SGCD: variants seen among roughly 807,000 people sequenced by gnomAD.
The protein encoded by SGCD is sarcoglycan delta.
SGCD carries 18 observed loss-of-function variants against 36.6 expected under a neutral mutation model. The ratio of observed to expected loss-of-function variants is 0.49; its 90% CI spans 0.34 to 0.73. The LOEUF (loss-of-function observed/expected upper bound fraction) is 0.73. SGCD is among the 30% of genes least tolerant of loss of function. SGCD has a pLI of 0.01. For synonymous variants in SGCD, 133 were observed against 130.6 expected (o/e 1.02, Z -0.12); for missense variants, 387 against 346.7 (o/e 1.12, Z -0.92).
At chr5:155,871,727 T>C (rs1364494010) in intron 1 of SGCD, among the ~76,000 whole-genome samples, 1 of 152,168 alleles carries the variant, frequency 6.6e-6, no homozygotes, top group Non-Finnish European at 1.5e-5. Context: ...AAATAAGTTA[T>C]GATGGAAAAT....
At chr5:156,517,917 G>A (rs557768244) in intron 4 of SGCD, among the ~76,000 whole-genome samples, 1 of 152,292 alleles carries the variant, frequency 6.6e-6, no homozygotes, top group East Asian at 1.9e-4. Flanking sequence ...ATGGCATTAT[G>A]AAGCAACTAC....
intron 6 of SGCD, among the ~76,000 whole-genome samples, chr5:156,614,924 A>G (rs2113475138): frequency 6.6e-6 from 1 of 152,252 alleles, no homozygotes; most frequent in South Asian, 2.1e-4. Flanking sequence ...TTCAGGTACC[A>G]GTTGTCTTTT....
At chr5:156,018,359 T>C (rs952125913) in intron 1 of SGCD, among the ~76,000 whole-genome samples, 5 of 152,220 alleles carry the variant, frequency 3.3e-5, no homozygotes, top group Non-Finnish European at 7.3e-5. Flanking sequence ...TCCCATATTA[T>C]GTCCCACTAT....
chr5:156,401,329 A>G (rs563348380), intron 3 of SGCD, among the ~76,000 whole-genome samples: 53 of 152,320 alleles, frequency 3.5e-4, no homozygotes, highest in African/African-American at 1.1e-3. Flanking sequence ...ATTGGATAGT[A>G]AAAGGTGCTC....
intron 7 of SGCD, among the ~76,000 whole-genome samples, chr5:156,671,059 C>T (rs1249517703): frequency 6.6e-6 from 1 of 151,722 alleles, no homozygotes; most frequent in Non-Finnish European, 1.5e-5. Flanking sequence ...ATGTTCTTTA[C>T]ACTATGGTGG....
At chr5:156,716,392 C>T (rs1755225123) in intron 7 of SGCD, among the ~76,000 whole-genome samples, 1 of 152,214 alleles carries the variant, frequency 6.6e-6, no homozygotes, top group African/African-American at 2.4e-5. Flanking sequence ...ACATTTTCTG[C>T]TCCAGGGCTC....
chr5:156,456,456 G>T (rs1754265658), intron 3 of SGCD, among the ~76,000 whole-genome samples: 1 of 152,204 alleles, frequency 6.6e-6, no homozygotes, highest in Admixed American at 6.5e-5. Context: ...TTGTTGTAAA[G>T]TGTCAGAGAA....
chr5:156,048,180 C>G (rs1004187355), intron 1 of SGCD, among the ~76,000 whole-genome samples: 2 of 152,188 alleles, frequency 1.3e-5, no homozygotes, highest in African/African-American at 4.8e-5. Flanking sequence ...GCATAGTATT[C>G]CATGGTGTAT....
chr5:156,195,385 A>T (rs1384908038), intron 3 of SGCD, among the ~76,000 whole-genome samples: 1 of 152,214 alleles, frequency 6.6e-6, no homozygotes, highest in Non-Finnish European at 1.5e-5. Context: ...ATTCCTTCAA[A>T]TATACCACAG....
intron 3 of SGCD, among the ~76,000 whole-genome samples, chr5:156,393,311 G>A (rs1473360026): frequency 1.3e-5 from 2 of 152,166 alleles, no homozygotes; most frequent in African/African-American, 4.8e-5. Context: ...CAAGCTTCAC[G>A]CTGTTTGTGG....
intron 1 of SGCD, among the ~76,000 whole-genome samples, chr5:155,874,657 A>G (rs188590305): frequency 4.6e-5 from 7 of 152,248 alleles, no homozygotes; most frequent in Non-Finnish European, 1.0e-4. Context: ...ATGAGAAAAG[A>G]TGCTCAATGT....
At chr5:156,430,651 G>C (rs1351845913) in intron 3 of SGCD, among the ~76,000 whole-genome samples, 1 of 151,860 alleles carries the variant, frequency 6.6e-6, no homozygotes, top group Non-Finnish European at 1.5e-5. Context: ...ATTTTTGTTT[G>C]GACTATGTTT....
intron 3 of SGCD, among the ~76,000 whole-genome samples, chr5:156,204,926 G>A (rs1191956751): frequency 1.3e-5 from 2 of 152,068 alleles, no homozygotes; most frequent in African/African-American, 2.4e-5. Context: ...TGCTACAACC[G>A]TGATCTCAAA....
At chr5:155,841,010 CAAAA>C in the SGCD span, among the ~76,000 whole-genome samples, 9 of 61,078 alleles carry the variant, frequency 1.5e-4, no homozygotes, top group Admixed American at 1.2e-3. Context: ...GACTCCATCT[CAAAA>C]AAAAAAAAAA....
chr5:156,729,850 G>C (rs1219449560), intron 7 of SGCD, among the ~76,000 whole-genome samples: 1 of 152,160 alleles, frequency 6.6e-6, no homozygotes, highest in East Asian at 1.9e-4. Context: ...ATAACTTTGT[G>C]AGCTACTATG....
intron 1 of SGCD, among the ~76,000 whole-genome samples, chr5:155,887,223 C>T (rs1414507588): frequency 6.6e-6 from 1 of 152,104 alleles, no homozygotes; most frequent in Non-Finnish European, 1.5e-5. Flanking sequence ...CATATTTTCT[C>T]TCTGGAGTAC....
chr5:155,871,426 A>T (rs1400960993), intron 1 of SGCD, among the ~76,000 whole-genome samples: 1 of 151,980 alleles, frequency 6.6e-6, no homozygotes, highest in Non-Finnish European at 1.5e-5. Context: ...TTTATTAGAG[A>T]TTTGTGACAT....
chr5:156,133,814 T>C (rs1214546515), intron 3 of SGCD, among the ~76,000 whole-genome samples: 1 of 152,076 alleles, frequency 6.6e-6, no homozygotes, highest in Non-Finnish European at 1.5e-5. Flanking sequence ...GTTTGTTTAC[T>C]TGGGTTGAAT....
the SGCD span, among the ~76,000 whole-genome samples, chr5:155,780,721 T>G: frequency 1.3e-5 from 2 of 152,202 alleles, no homozygotes; most frequent in Non-Finnish European, 2.9e-5. Context: ...TATGAATGAT[T>G]TAGTCAATTA....
Sources: gnomAD v4.1 joint callset for allele counts (sites outside exome capture counted in the v4.1 genomes callset) on GRCh38, gnomAD v4.1.1 for gene constraint, MANE v1.5 for transcripts, NCBI Gene and HGNC (gene_info 2026-07-23, HGNC 2026-07-21) for gene names.